Variants in IGF2R observed in about 807,000 individuals in gnomAD.
The protein encoded by IGF2R is insulin like growth factor 2 receptor.
IGF2R carries 91 observed loss-of-function variants against 270.6 expected under a neutral mutation model. The ratio of observed to expected loss-of-function variants is 0.34; its 90% CI spans 0.28 to 0.40. The LOEUF is 0.40. Ranked by LOEUF, IGF2R falls within the 10% of genes least tolerant of loss-of-function variation. The pLI, the probability that IGF2R is intolerant of heterozygous loss-of-function variation, is 1.00. For synonymous variants in IGF2R, 1,316 were observed against 1,258.9 expected, an observed-to-expected ratio of 1.05 and a Z score of -0.96; for missense variants, 2,805 against 3,188.3, an observed-to-expected ratio of 0.88 and a Z score of 2.90.
At chr6:160,065,810 GTGTGTATATA>G (rs1446536680) in intron 29 of IGF2R, among the ~76,000 whole-genome samples, 1 of 72,980 alleles carries the variant, frequency 1.4e-5, no homozygotes, top group Non-Finnish European at 2.6e-5. Context: ...GTGTGTGTGT[GTGTGTATATA>G]TATATATATA....
At chr6:159,991,157 T>G in intron 1 of IGF2R, 27 bp from the exon 2 acceptor site, 1 of 1,585,382 alleles carries the variant, frequency 6.3e-7, no homozygotes, top group Non-Finnish European at 8.6e-7. Flanking sequence ...TCAGTGACAT[T>G]GACAAGTTGT....
At chr6:160,018,314 TTAAA>T (rs1777350829) in intron 4 of IGF2R, among the ~76,000 whole-genome samples, 1 of 152,116 alleles carries the variant, frequency 6.6e-6, no homozygotes, top group Admixed American at 6.5e-5. Context: ...TGTAACAATC[TTAAA>T]TATGTATGCA....
intron 10 of IGF2R, among the ~76,000 whole-genome samples, chr6:160,035,083 C>T (rs944614298): frequency 1.3e-5 from 2 of 152,138 alleles, no homozygotes; most frequent in African/African-American, 2.4e-5. Flanking sequence ...CTGTCCATAT[C>T]TTGACGATTG....
intron 2 of IGF2R, 110 bp from the exon 3 acceptor site, chr6:160,008,900 A>G: frequency 3.6e-6 from 4 of 1,101,782 alleles, no homozygotes; most frequent in Admixed American, 4.3e-5. Context: ...TTATAAATTT[A>G]TAAGCTATCA....
chr6:159,983,215 G>A (rs762018300), intron 1 of IGF2R, among the ~76,000 whole-genome samples: 7 of 152,276 alleles, frequency 4.6e-5, no homozygotes, highest in South Asian at 2.1e-4. Flanking sequence ...GATTGGTTTC[G>A]TCTGGACCAG....
At chr6:159,984,541 G>A (rs190577539) in intron 1 of IGF2R, among the ~76,000 whole-genome samples, 49 of 152,264 alleles carry the variant, frequency 3.2e-4, no homozygotes, top group Middle Eastern at 6.8e-3. Context: ...CCTTTTCTAC[G>A]TTTAGATATG....
At chr6:160,003,003 C>T (rs1344256893) in intron 2 of IGF2R, among the ~76,000 whole-genome samples, 1 of 152,164 alleles carries the variant, frequency 6.6e-6, no homozygotes, top group African/African-American at 2.4e-5. Flanking sequence ...CACTAAGGAA[C>T]AGTGTTAATT....
At chr6:159,980,203 G>GA (rs1284408883) in intron 1 of IGF2R, among the ~76,000 whole-genome samples, 3 of 77,010 alleles carry the variant, frequency 3.9e-5, no homozygotes, top group Non-Finnish European at 7.6e-5. Context: ...AAGAAAGAAA[G>GA]AAAGAAAGAA....
At position 160,080,236 on chromosome 6, in the gene IGF2R, G is replaced by A. The variant is rs372344925; in HGVS notation, c.5794G>A (p.Asp1932Asn). 13 of 1,614,036 alleles carry A rather than the reference G, an allele frequency of 8.1e-6. No individual in the cohort carries two copies. Among genetic ancestry groups the A allele is most frequent in the Non-Finnish European group, 5.1e-6 (6 of 1,180,028 alleles). The stretch of plus-strand genomic sequence containing the variant: ...GAAGCTGTGGTGTAGCACAACTGCG[G>A]ACTACGACAGAGACCACGAGTGGGG... ...RAKLWCSTTA[D>N]YDRDHEWGFC... The change falls in exon 39 of 48, where the codon GAC becomes AAC. Residue 1932 changes from aspartate (D) to asparagine (N), a missense_variant. Transcript: ENST00000356956.
At chr6:160,059,132 A>G in intron 22 of IGF2R, 34 bp downstream of exon 22, 1 of 1,590,564 alleles carries the variant, frequency 6.3e-7, no homozygotes. Flanking sequence ...TGTAGCTAAA[A>G]AGGGCCCTGG....
intron 13 of IGF2R, among the ~76,000 whole-genome samples, chr6:160,045,360 T>G (rs1316625789): frequency 6.6e-6 from 1 of 152,212 alleles, no homozygotes; most frequent in Non-Finnish European, 1.5e-5. Flanking sequence ...TTTGTTTGTT[T>G]GTTTTATATG....
In IGF2R at chr6:159,998,148, A is replaced by T. The variant is rs536506294; in HGVS notation, c.289+6825A>T. 9.2e-4 allele frequency among the ~76,000 whole-genome samples: 140 copies of T among 152,390 alleles called. No homozygotes were observed. Among genetic ancestry groups the T allele is most frequent in the Middle Eastern group, 3.4e-3 (1 of 294 alleles). On this transcript the variant is annotated intron_variant, in intron 2 of 47. Coordinates refer to ENST00000356956, the MANE Select transcript of IGF2R (RefSeq NM_000876.4). The surrounding 1 kb of genome is among the most constrained non-coding windows in gnomAD (Gnocchi z 4.1). The stretch of plus-strand genomic sequence containing the variant: ...TTTTGAGAACTCACAGAGAAAGGCC[A>T]CAAGTAATTCTGTTGGCCAGTGTTA...
intron 5 of IGF2R, 58 bp downstream of exon 5, chr6:160,024,762 A>G (rs186618894): frequency 5.2e-5 from 81 of 1,561,280 alleles, no homozygotes; most frequent in African/African-American, 5.4e-5. Flanking sequence ...TATGGCTTCA[A>G]TATCTTTGCC....
chr6:160,067,443 TAA>T (rs1340948738), intron 29 of IGF2R, among the ~76,000 whole-genome samples: 2 of 152,206 alleles, frequency 1.3e-5, no homozygotes, highest in African/African-American at 2.4e-5. Flanking sequence ...TATGTATTTT[TAA>T]AAGTCTTATC....
Position 160,104,845 on chromosome 6 carries a change from G to T in IGF2R, c.7237G>T (p.Val2413Phe), listed in dbSNP as rs1165505340. 6.2e-7 allele frequency: 1 copy of T among 1,614,230 alleles called. No homozygotes were observed. ...HGDDQDSEDE[V>F]LTIPEVKVHS... ...GGATGACCAGGACAGTGAGGATGAG[G>T]TTCTGACCATCCCAGAGGTGAAAGT... Residue 2413 changes from valine (V) to phenylalanine (F), a missense_variant, in exon 48 of 48, where the codon GTT becomes TTT. Physicochemically the swap from Val to Phe is conservative, Grantham distance 50. Around this residue, in one of 2 missense-constraint regions of IGF2R, gnomAD observed 1,851 missense variants for 2,207.2 expected, o/e 0.84. Transcript: ENST00000356956.
At chr6:160,060,232 CAT>C (rs562502256) in intron 22 of IGF2R, among the ~76,000 whole-genome samples, 267 of 152,042 alleles carry the variant, frequency 1.8e-3, no homozygotes, top group African/African-American at 6.1e-3. Flanking sequence ...CCTGTCATCA[CAT>C]AGGCCACCAT....
Position 160,011,780 on chromosome 6 carries a change from C to T in IGF2R, c.513+995C>T, listed in dbSNP as rs79225727. On this transcript the variant is annotated intron_variant, in intron 4 of 47. Transcript: ENST00000356956. ...GAAGAGCAGACTGTGTTCCTTCTGC[C>T]GCTTCTCCATGCCCACCACCCCAGA... Among the ~76,000 whole-genome samples the T allele has an allele frequency of 3.9e-3, 587 of 152,148 alleles. 6 individuals are homozygous for T. The highest frequency in any genetic ancestry group is 0.013 in the African/African-American group (551 of 41,494).
chr6:160,064,610 C>G lies in IGF2R; in HGVS notation c.4017+79C>G, dbSNP rs1365642871. 2.0e-6 allele frequency: 3 copies of G among 1,477,866 alleles called. No individual in the cohort carries two copies. In the East Asian group the frequency reaches 6.8e-5, roughly 33 times the overall value. 91.5% of individuals were successfully genotyped at this position (1,477,866 alleles called of 1,614,324 possible). The stretch of plus-strand genomic sequence containing the variant: ...TGGGATCATATTAGAAAGAATCTGT[C>G]CTCAGATCTCATCAAATCTCCTGGT... On this transcript the variant is annotated intron_variant, in intron 28 of 47. Transcript: ENST00000356956.
At chr6:160,039,231 G>A (rs770223778) in intron 10 of IGF2R, among the ~76,000 whole-genome samples, 5 of 152,340 alleles carry the variant, frequency 3.3e-5, no homozygotes, top group Non-Finnish European at 7.3e-5. Context: ...AGTGTGTATA[G>A]CATGTGAGTG....
Sources: allele counts gnomAD v4.1 joint callset (sites outside exome capture counted in the v4.1 genomes callset), GRCh38; gene constraint gnomAD v4.1.1; regional missense constraint gnomAD v4.1.1; non-coding constraint Gnocchi (gnomAD v3.1); transcripts MANE v1.5; gene names NCBI Gene and HGNC (gene_info 2026-07-23, HGNC 2026-07-21).